Variants in LAMA1 observed in about 807,000 individuals in gnomAD.
LAMA1 encodes laminin subunit alpha 1.
Under a neutral mutation model 348.7 loss-of-function variants are expected in LAMA1, and 219 were observed. The observed-to-expected ratio is 0.63, with a 90% CI of 0.56 to 0.70. LAMA1 has a LOEUF of 0.70. Among genes scored for constraint, LAMA1 ranks in the 30% least tolerant of loss-of-function variants. The probability of loss-of-function intolerance (pLI) is 0.00; values close to 1 mark genes in which losing one functional copy is unlikely to be tolerated. For missense variants in LAMA1, 3,744 were observed against 3,888.0 expected (o/e 0.96, Z 0.99); for synonymous variants, 1,487 against 1,491.0 (o/e 1.00, Z 0.06).
At chr18:7,066,109 G>A (rs1187318412) in intron 3 of LAMA1, among the ~76,000 whole-genome samples, 2 of 152,170 alleles carry the variant, frequency 1.3e-5, no homozygotes, top group Non-Finnish European at 2.9e-5. Context: ...GGTAGTGATA[G>A]GTGAGTAATA....
chr18:7,083,799 A>G (rs138758006), intron 1 of LAMA1, among the ~76,000 whole-genome samples: 411 of 152,168 alleles, frequency 2.7e-3, no homozygotes, highest in African/African-American at 9.4e-3. Context: ...GGCCGGGCGC[A>G]ATGGCTCACG....
At chr18:7,079,353 T>C (rs1056640520) in intron 3 of LAMA1, 2 of 153,928 alleles carry the variant, frequency 1.3e-5, no homozygotes, top group African/African-American at 4.8e-5. Flanking sequence ...ATCTCATATT[T>C]CTCTCCATCC....
intron 3 of LAMA1, among the ~76,000 whole-genome samples, chr18:7,076,020 A>G (rs1407840227): frequency 6.6e-6 from 1 of 152,184 alleles, no homozygotes; most frequent in Non-Finnish European, 1.5e-5. Context: ...GCAGAAGTGA[A>G]TAAGACATCT....
At chr18:7,040,867 A>G (rs2058017527) in intron 9 of LAMA1, among the ~76,000 whole-genome samples, 2 of 152,338 alleles carry the variant, frequency 1.3e-5, no homozygotes, top group South Asian at 4.1e-4. Context: ...TGAAAACATT[A>G]TACTAAATGA....
intron 3 of LAMA1, among the ~76,000 whole-genome samples, chr18:7,056,827 G>T (rs2058083916): frequency 6.6e-6 from 1 of 151,970 alleles, no homozygotes; most frequent in South Asian, 2.1e-4. Context: ...CACTTACTGT[G>T]GCCAGTACCA....
intron 16 of LAMA1, among the ~76,000 whole-genome samples, chr18:7,026,971 G>A (rs937365706): frequency 3.4e-5 from 5 of 147,466 alleles, no homozygotes; most frequent in South Asian, 2.1e-4. Context: ...GGGTGACAGC[G>A]AGACTCCGTC....
intron 19 of LAMA1, among the ~76,000 whole-genome samples, chr18:7,017,827 T>C (rs2057896064): frequency 6.6e-6 from 1 of 152,216 alleles, no homozygotes; most frequent in Non-Finnish European, 1.5e-5. Context: ...CATAATTTAA[T>C]GAAAAATATC....
intron 19 of LAMA1, 123 bp from the exon 20 acceptor site, chr18:7,017,507 A>G (rs2057894670): frequency 2.7e-6 from 2 of 752,664 alleles, no homozygotes; most frequent in South Asian, 3.0e-5. Context: ...AAAACTAAAA[A>G]TAATATTATT....
Position 6,980,992 on chromosome 18 carries a change from A to C in LAMA1, c.5891-355T>G, listed in dbSNP as rs563691794. 4.6e-5 allele frequency among the ~76,000 whole-genome samples: 7 copies of C among 152,032 alleles called. No homozygotes were observed. The East Asian group carries it at 1.2e-3, about 25-fold the overall frequency. ...GTGGTGGGCGCCTGTAGTCCCAGCT[A>C]CTTGGGAGGCTGAGGCAGGAGAATG... On this transcript the variant is annotated intron_variant, in intron 41 of 62. Coordinates refer to ENST00000389658, the MANE Select transcript of LAMA1 (RefSeq NM_005559.4).
At chr18:7,025,416 C>T (rs1432954275) in intron 17 of LAMA1, among the ~76,000 whole-genome samples, 2 of 152,228 alleles carry the variant, frequency 1.3e-5, no homozygotes, top group Non-Finnish European at 2.9e-5. Flanking sequence ...CCCTCCTCCC[C>T]ACCATCTGGT....
intron 16 of LAMA1, among the ~76,000 whole-genome samples, chr18:7,027,834 T>G (rs2057951452): frequency 6.6e-6 from 1 of 151,968 alleles, no homozygotes; most frequent in Admixed American, 6.6e-5. Flanking sequence ...TCCCAGCTAC[T>G]TAGGAGGCTG....
At chr18:7,104,512 T>C (rs906521302) in intron 1 of LAMA1, among the ~76,000 whole-genome samples, 13 of 152,102 alleles carry the variant, frequency 8.5e-5, no homozygotes, top group African/African-American at 3.1e-4. Context: ...CAGGGTGGGC[T>C]GGAGTCCGTC....
At chr18:7,014,963 C>T (rs963355740) in intron 22 of LAMA1, among the ~76,000 whole-genome samples, 33 of 152,104 alleles carry the variant, frequency 2.2e-4, no homozygotes, top group Admixed American at 2.0e-3. Flanking sequence ...TCTCCTGCCT[C>T]AGCCTCCTGA....
At chr18:7,113,713 A>G (rs2058344568) in intron 1 of LAMA1, among the ~76,000 whole-genome samples, 1 of 152,130 alleles carries the variant, frequency 6.6e-6, no homozygotes. Flanking sequence ...CCATCACACT[A>G]TTTCCTGAGA....
At chr18:7,011,154 G>C in intron 25 of LAMA1, 146 bp downstream of exon 25, 1 of 871,056 alleles carries the variant, frequency 1.1e-6, no homozygotes, top group Non-Finnish European at 1.8e-6. Context: ...ACTTTTATGA[G>C]CATTAAACTT....
At chr18:7,067,782 T>C (rs2058128845) in intron 3 of LAMA1, among the ~76,000 whole-genome samples, 1 of 152,104 alleles carries the variant, frequency 6.6e-6, no homozygotes, top group Non-Finnish European at 1.5e-5. Context: ...TTTCCAGGCC[T>C]TTCCCACCCT....
In LAMA1 at chr18:7,085,598, T is replaced by G. The variant is rs546310025; in HGVS notation, c.62-5141A>C. Among the ~76,000 whole-genome samples the G allele has an allele frequency of 3.3e-3, 508 of 152,038 alleles. 12 individuals carry two copies. The highest frequency in any genetic ancestry group is 2.1e-3 in the East Asian group (11 of 5,150). Reference sequence around the variant, plus strand: ...CAAGCCCGGCTAATTTTTTGTATTTTTAGTAGAGATGGGGTTTCACCACGT... The same window carrying G: ...CAAGCCCGGCTAATTTTTTGTATTTGTAGTAGAGATGGGGTTTCACCACGT... On this transcript the variant is annotated intron_variant, in intron 1 of 62. Transcript: ENST00000389658.
intron 61 of LAMA1, 109 bp downstream of exon 61, chr18:6,947,054 T>C: frequency 7.0e-7 from 1 of 1,419,368 alleles, no homozygotes; most frequent in Non-Finnish European, 1.0e-6. Flanking sequence ...ATGGGACCAT[T>C]GTTTGACTCC....
At chr18:7,051,857 A>G (rs1012550318) in intron 3 of LAMA1, among the ~76,000 whole-genome samples, 2 of 152,156 alleles carry the variant, frequency 1.3e-5, no homozygotes, top group Admixed American at 1.3e-4. Context: ...TCTTTGGAAA[A>G]TAGTTTGGCA....
Sources: allele counts gnomAD v4.1 joint callset (sites outside exome capture counted in the v4.1 genomes callset), GRCh38; gene constraint gnomAD v4.1.1; transcripts MANE v1.5; gene names NCBI Gene and HGNC (gene_info 2026-07-23, HGNC 2026-07-21).